The following OAT variants were observed in gnomAD, a reference collection of about 807,000 sequenced individuals.
OAT encodes ornithine aminotransferase.
OAT carries 35 observed loss-of-function variants against 48.4 expected under a neutral mutation model. The observed-to-expected ratio is 0.72, with a 90% CI of 0.55 to 0.96. OAT has a LOEUF of 0.96. Ranked by LOEUF, OAT falls within the 40% of genes least tolerant of loss-of-function variation. The pLI, the probability that OAT is intolerant of heterozygous loss-of-function variation, is 0.00. For synonymous variants in OAT, 182 were observed against 198.4 expected, an observed-to-expected ratio of 0.92 and a Z score of 0.70; for missense variants, 438 against 537.9, an observed-to-expected ratio of 0.81 and a Z score of 1.84.
At chr10:124,400,377 A>G (rs55796731) in intron 9 of OAT, among the ~76,000 whole-genome samples, 9,569 of 150,148 alleles carry the variant, frequency 0.064, 423 homozygotes, top group Non-Finnish European at 0.085. Flanking sequence ...GAACCGGGGC[A>G]TCGGAAGTTG....
chr10:124,413,123 A>C (rs1307674591), intron 1 of OAT, among the ~76,000 whole-genome samples: 2 of 152,324 alleles, frequency 1.3e-5, no homozygotes, highest in Admixed American at 6.5e-5. Flanking sequence ...TTAGCCACAA[A>C]TATCTAAAAC....
rs1254232546 is a variant in OAT, at chr10:124,408,648, A to G, written c.425-11T>C. On this transcript the variant is annotated splice_polypyrimidine_tract_variant and intron_variant, in intron 3 of 9. Coordinates refer to ENST00000368845, the MANE Select transcript of OAT (RefSeq NM_000274.4). ...CTCCAGCCTCCACTCCTATCAGGAG[A>G]GAAAAATGTTCAGATTTTTTTAAAA... 1.9e-6 allele frequency: 3 copies of G among 1,605,904 alleles called. No individual in the cohort carries two copies. Among genetic ancestry groups the G allele is most frequent in the Non-Finnish European group, 1.7e-6 (2 of 1,173,090 alleles).
At position 124,397,909 on chromosome 10, in the gene OAT, C is replaced by T. The variant is rs1049069961; in HGVS notation, c.*33G>A. ...TACAGGACCACCTGTCTCCAGCTGGCTCCCAGGGACCACTGAAAACAGCTG... is the reference window on the plus strand; with the variant it reads ...TACAGGACCACCTGTCTCCAGCTGGTTCCCAGGGACCACTGAAAACAGCTG... On this transcript the variant is annotated 3_prime_UTR_variant, in exon 10 of 10. Transcript: ENST00000368845. The T allele has an allele frequency of 2.5e-6, 4 of 1,613,148 alleles. No individual in the cohort carries two copies. In the African/African-American group the frequency reaches 4.0e-5, roughly 16 times the overall value.
At chr10:124,409,133 T>C (rs575830455) in intron 2 of OAT, among the ~76,000 whole-genome samples, 168 bp from the exon 3 acceptor site, 1 of 152,374 alleles carries the variant, frequency 6.6e-6, no homozygotes, top group East Asian at 1.9e-4. Context: ...CTTTGGTTTG[T>C]AAGGAATTAC....
rs539044176 is a variant in OAT at position 124,408,321 on chromosome 10, A to G, written c.520+221T>C. Among the ~76,000 whole-genome samples, 37,744 of 95,526 alleles carry G rather than the reference A, an allele frequency of 0.4. 7,096 individuals carry two copies. The highest frequency in any genetic ancestry group is 0.57 in the African/African-American group (14,246 of 25,116). 62.7% of individuals were successfully genotyped at this position (95,526 alleles called of 152,430 possible). ...TGTGTGTGTGTGTGTGTGTGTGTAT[A>G]TATATATATATATATATATATATTT... On this transcript the variant is annotated intron_variant, in intron 4 of 9. Transcript: ENST00000368845.
chr10:124,409,962 A>C (rs1951702012), intron 2 of OAT, among the ~76,000 whole-genome samples: 1 of 152,256 alleles, frequency 6.6e-6, no homozygotes, highest in Non-Finnish European at 1.5e-5. Context: ...TGCTAGTGGG[A>C]AAGTAAAAAC....
chr10:124,416,372 A>C lies in OAT; in HGVS notation c.-30+2501T>G, dbSNP rs145483484. On this transcript the variant is annotated intron_variant, in intron 1 of 9. Coordinates refer to ENST00000368845, the MANE Select transcript of OAT (RefSeq NM_000274.4). ...GGATCACCTATCCCTGACCAGGTTG[A>C]GTCTAACTCTAAGAGGGGGTGTTCA... 6.2e-4 allele frequency among the ~76,000 whole-genome samples: 95 copies of C among 152,320 alleles called. No individual in the cohort carries two copies. In the East Asian group the frequency reaches 0.015, roughly 25 times the overall value.
At chr10:124,415,694 G>A (rs563342929) in intron 1 of OAT, among the ~76,000 whole-genome samples, 5 of 152,268 alleles carry the variant, frequency 3.3e-5, no homozygotes, top group East Asian at 3.9e-4. Flanking sequence ...TTTGGAGACC[G>A]GGATTTTAAA....
intron 8 of OAT, 25 bp downstream of exon 8, chr10:124,401,701 A>T (rs1166621343): frequency 8.3e-6 from 12 of 1,448,948 alleles, no homozygotes; most frequent in Non-Finnish European, 1.2e-5. Context: ...AAGAATAGAC[A>T]CTGTGTGGCT....
chr10:124,408,315 G>GTATATA (rs1951646442), intron 4 of OAT, among the ~76,000 whole-genome samples: 1 of 65,688 alleles, frequency 1.5e-5, no homozygotes, highest in African/African-American at 8.0e-5. Flanking sequence ...GTGTGTGTGT[G>GTATATA]TGTATATATA....
chr10:124,400,163 A>C (rs1431186486), intron 9 of OAT, among the ~76,000 whole-genome samples: 10 of 152,142 alleles, frequency 6.6e-5, no homozygotes, highest in African/African-American at 1.2e-4. Flanking sequence ...TAAAATACCA[A>C]GTGTGGCCAG....
At chr10:124,416,558 A>G (rs921043004) in intron 1 of OAT, among the ~76,000 whole-genome samples, 1 of 152,198 alleles carries the variant, frequency 6.6e-6, no homozygotes, top group Non-Finnish European at 1.5e-5. Context: ...TGCTCTTGGC[A>G]AGCTAGAATT....
intron 2 of OAT, among the ~76,000 whole-genome samples, chr10:124,409,258 A>C (rs2134479857): frequency 6.6e-6 from 1 of 152,336 alleles, no homozygotes; most frequent in South Asian, 2.1e-4. Flanking sequence ...TAGGATCCAA[A>C]ATTAGAATTT....
chr10:124,399,519 G>A (rs941944885), intron 9 of OAT, among the ~76,000 whole-genome samples: 2 of 151,672 alleles, frequency 1.3e-5, no homozygotes, highest in East Asian at 1.9e-4. Flanking sequence ...CTATTTTTTT[G>A]TATTTTTAGT....
chr10:124,416,552 C>T (rs1466257765), intron 1 of OAT, among the ~76,000 whole-genome samples: 1 of 152,154 alleles, frequency 6.6e-6, no homozygotes, highest in Non-Finnish European at 1.5e-5. Context: ...ACAAATTGCT[C>T]TTGGCAAGCT....
chr10:124,406,158 A>G lies in OAT; in HGVS notation c.521-595T>C, dbSNP rs1054036297. 19 of 969,648 alleles carry G rather than the reference A, an allele frequency of 2.0e-5. No homozygotes were observed. The African/African-American group carries it at 3.2e-4, about 16-fold the overall frequency. 60.1% of individuals were successfully genotyped at this position (969,648 alleles called of 1,614,324 possible). On this transcript the variant is annotated intron_variant, in intron 4 of 9. Transcript: ENST00000368845. ...TGGAATATTTTTTATCCATTAATAA[A>G]GGTGACTGAGGATCTACTATGTCAG... is the stretch of plus-strand genomic sequence containing the variant.
intron 8 of OAT, 28 bp downstream of exon 8, chr10:124,401,698 G>T: frequency 7.0e-7 from 1 of 1,419,164 alleles, no homozygotes. Context: ...TTAAAGAATA[G>T]ACACTGTGTG....
At chr10:124,407,436 C>T (rs1250854646) in intron 4 of OAT, 1 of 985,262 alleles carries the variant, frequency 1.0e-6, no homozygotes, top group Non-Finnish European at 1.2e-6. Flanking sequence ...TGAAAATCAC[C>T]AGAAACACCA....
chr10:124,412,237 T>C (rs2134492171), intron 1 of OAT, 37 bp from the exon 2 acceptor site: 13,125 of 911,486 alleles, frequency 0.014, no homozygotes, highest in Non-Finnish European at 0.021. Context: ...AGAGTGAGAA[T>C]CCTTGGCTTA....
Sources: gnomAD v4.1 joint callset for allele counts (sites outside exome capture counted in the v4.1 genomes callset) on GRCh38, gnomAD v4.1.1 for gene constraint, MANE v1.5 for transcripts, NCBI Gene and HGNC (gene_info 2026-07-23, HGNC 2026-07-21) for gene names.